The following MACROD1 variants were observed in gnomAD, a reference collection of about 807,000 sequenced individuals.
MACROD1 encodes the protein ADP-ribose glycohydrolase MACROD1.
In MACROD1, 31 loss-of-function variants were observed where a neutral mutation model predicts 41.4. The observed-to-expected ratio is 0.75, with a 90% CI of 0.56 to 1.01. The LOEUF (loss-of-function observed/expected upper bound fraction) is 1.01. MACROD1 is among the 50% of genes least tolerant of loss of function. MACROD1 has a pLI of 0.00. For synonymous variants in MACROD1, 252 were observed against 203.4 expected, an observed-to-expected ratio of 1.24 and a Z score of -2.03; for missense variants, 473 against 460.0, an observed-to-expected ratio of 1.03 and a Z score of -0.26.
intron 3 of MACROD1, among the ~76,000 whole-genome samples, chr11:64,085,609 C>A (rs866503135): frequency 3.3e-5 from 5 of 152,224 alleles, no homozygotes; most frequent in African/African-American, 7.2e-5. Flanking sequence ...GCCAGCACAG[C>A]GACAGCCTTG....
chr11:64,156,279 T>G (rs981298802), intron 1 of MACROD1, among the ~76,000 whole-genome samples: 1 of 152,168 alleles, frequency 6.6e-6, no homozygotes, highest in Non-Finnish European at 1.5e-5. Context: ...AGACCTTGTC[T>G]CTAAATAAAT....
At chr11:64,144,962 C>T (rs1831056907) in intron 3 of MACROD1, among the ~76,000 whole-genome samples, 1 of 152,236 alleles carries the variant, frequency 6.6e-6, no homozygotes, top group African/African-American at 2.4e-5. Context: ...TGCCCAGGGA[C>T]AGCCGGACGC....
chr11:64,076,966 T>C (rs1347181489), intron 3 of MACROD1, among the ~76,000 whole-genome samples: 6 of 151,622 alleles, frequency 4.0e-5, no homozygotes, highest in Admixed American at 3.9e-4. Flanking sequence ...GGTTATCACC[T>C]CCTAAAAATA....
intron 3 of MACROD1, among the ~76,000 whole-genome samples, chr11:64,083,228 G>T (rs551349808): frequency 1.6e-4 from 24 of 152,284 alleles, no homozygotes; most frequent in African/African-American, 5.8e-4. Flanking sequence ...CTGAGCTCAG[G>T]AGTTCGAGAC....
At chr11:64,121,753 C>T (rs765881308) in intron 3 of MACROD1, among the ~76,000 whole-genome samples, 25 of 152,208 alleles carry the variant, frequency 1.6e-4, no homozygotes, top group Admixed American at 5.2e-4. Context: ...GGAACGTCCG[C>T]GGCTGGGCTG....
intron 3 of MACROD1, among the ~76,000 whole-genome samples, chr11:64,129,774 T>C (rs980132226): frequency 5.9e-5 from 9 of 151,898 alleles, no homozygotes; most frequent in Admixed American, 1.3e-4. Context: ...GGCTTCAGGA[T>C]TGGGGGTGGG....
intron 3 of MACROD1, among the ~76,000 whole-genome samples, chr11:64,024,568 G>A (rs940404937): frequency 6.6e-6 from 1 of 152,240 alleles, no homozygotes; most frequent in Non-Finnish European, 1.5e-5. Context: ...CATGGGGCAG[G>A]CACTCAGCAT....
chr11:64,019,808 T>C (rs1943129903), intron 3 of MACROD1, among the ~76,000 whole-genome samples: 1 of 151,842 alleles, frequency 6.6e-6, no homozygotes, highest in African/African-American at 2.4e-5. Flanking sequence ...GTGTGGGATC[T>C]ACTGAAGTCT....
At chr11:64,095,895 G>A (rs1303152208) in intron 3 of MACROD1, among the ~76,000 whole-genome samples, 6 of 152,190 alleles carry the variant, frequency 3.9e-5, no homozygotes, top group African/African-American at 1.4e-4. Flanking sequence ...CCGAGGGAGG[G>A]AGCTGACTGC....
At chr11:64,000,394 G>A (rs1263039187) in intron 4 of MACROD1, 51 bp from the exon 5 acceptor site, 2 of 1,248,168 alleles carry the variant, frequency 1.6e-6, no homozygotes, top group South Asian at 1.5e-5. Context: ...CTGCGGCCCC[G>A]GGGTGAGCAC....
At chr11:64,038,309 C>T (rs951819799) in intron 3 of MACROD1, among the ~76,000 whole-genome samples, 1 of 152,208 alleles carries the variant, frequency 6.6e-6, no homozygotes, top group African/African-American at 2.4e-5. Flanking sequence ...CCTCTGGGAC[C>T]GGCTTCCTTG....
intron 3 of MACROD1, among the ~76,000 whole-genome samples, chr11:64,110,183 C>G (rs1263670240): frequency 6.6e-6 from 1 of 152,146 alleles, no homozygotes; most frequent in East Asian, 1.9e-4. Context: ...GGCGTGGTGG[C>G]TCACGCGTAT....
intron 3 of MACROD1, among the ~76,000 whole-genome samples, chr11:64,092,087 G>A (rs1167431328): frequency 6.6e-6 from 1 of 152,206 alleles, no homozygotes; most frequent in Non-Finnish European, 1.5e-5. Context: ...ACACTCTGGT[G>A]TATTCAAAAG....
At chr11:64,070,966 C>T (rs1249715169) in intron 3 of MACROD1, among the ~76,000 whole-genome samples, 1 of 152,104 alleles carries the variant, frequency 6.6e-6, no homozygotes, top group Non-Finnish European at 1.5e-5. Context: ...TGTCTTTATT[C>T]CAGGCTCTGA....
chr11:64,035,096 G>A (rs1000691771), intron 3 of MACROD1, among the ~76,000 whole-genome samples: 3 of 152,150 alleles, frequency 2.0e-5, no homozygotes, highest in Admixed American at 2.0e-4. Context: ...AGTAACCTTT[G>A]GAGCTAGGTA....
At chr11:64,027,985 G>A (rs926195548) in intron 3 of MACROD1, among the ~76,000 whole-genome samples, 4 of 152,240 alleles carry the variant, frequency 2.6e-5, no homozygotes, top group Non-Finnish European at 5.9e-5. Context: ...TGCTGCGCAG[G>A]GAATCTAAGT....
chr11:64,149,140 C>T (rs565198464), intron 3 of MACROD1: 8 of 471,556 alleles, frequency 1.7e-5, no homozygotes, highest in South Asian at 1.8e-4. Flanking sequence ...CCATGTCCCT[C>T]GGCACCGCTG....
In MACROD1 at chr11:64,122,987, C is replaced by A. The variant is rs1373243502; in HGVS notation, c.517+28252G>T. Reference sequence around the variant, plus strand: ...GCCAGCCCACTTCAGAAACCTGCTTCCTGCTGAACGTGCCAGAGAGGAGGC... The same window carrying A: ...GCCAGCCCACTTCAGAAACCTGCTTACTGCTGAACGTGCCAGAGAGGAGGC... On this transcript the variant is annotated intron_variant, in intron 3 of 10. Coordinates refer to ENST00000255681, the MANE Select transcript of MACROD1 (RefSeq NM_014067.4). The surrounding 1 kb of genome is among the most constrained non-coding windows in gnomAD (Gnocchi z 4.0). Among the ~76,000 whole-genome samples, 1 of 152,268 alleles carries A rather than the reference C, an allele frequency of 6.6e-6. No homozygotes were observed. The highest frequency in any genetic ancestry group is 1.9e-4 in the East Asian group (1 of 5,204).
At chr11:64,048,217 G>T (rs1943622652) in intron 3 of MACROD1, among the ~76,000 whole-genome samples, 1 of 152,248 alleles carries the variant, frequency 6.6e-6, no homozygotes, top group African/African-American at 2.4e-5. Flanking sequence ...GGGCCTTCGA[G>T]GAGAGCTCAG....
Sources: allele counts gnomAD v4.1 joint callset (sites outside exome capture counted in the v4.1 genomes callset), GRCh38; gene constraint gnomAD v4.1.1; non-coding constraint Gnocchi (gnomAD v3.1); transcripts MANE v1.5; gene names NCBI Gene and HGNC (gene_info 2026-07-23, HGNC 2026-07-21).